Variants in CFAP20 observed in about 807,000 individuals in gnomAD.
CFAP20 encodes cilia and flagella associated protein 20.
In CFAP20, 14 loss-of-function variants were observed where a neutral mutation model predicts 25.5. The observed-to-expected ratio is 0.55, with a 90% CI of 0.36 to 0.86. The LOEUF is 0.86. Among genes scored for constraint, CFAP20 ranks in the 40% least tolerant of loss-of-function variants. The pLI, the probability that CFAP20 is intolerant of heterozygous loss-of-function variation, is 0.01. For missense variants in CFAP20, 181 were observed against 248.0 expected, an observed-to-expected ratio of 0.73 and a Z score of 1.81; for synonymous variants, 75 against 91.1, an observed-to-expected ratio of 0.82 and a Z score of 1.01.
intron 1 of CFAP20, among the ~76,000 whole-genome samples, chr16:58,117,437 TC>T (rs1960472250): frequency 6.6e-6 from 1 of 152,212 alleles, no homozygotes; most frequent in African/African-American, 2.4e-5. Flanking sequence ...CTTTCTTTTT[TC>T]TTTTTTCTGA....
At chr16:58,124,412 C>T (rs926057203) in intron 1 of CFAP20, among the ~76,000 whole-genome samples, 3 of 152,162 alleles carry the variant, frequency 2.0e-5, no homozygotes, top group African/African-American at 4.8e-5. Context: ...GATGGGATTA[C>T]GTTCTGAGAA....
chr16:58,126,354 G>T (rs181001343), intron 1 of CFAP20, among the ~76,000 whole-genome samples: 3 of 152,232 alleles, frequency 2.0e-5, no homozygotes, highest in Middle Eastern at 3.4e-3. Flanking sequence ...ATAAATTGCC[G>T]GTGTGACAAA....
intron 4 of CFAP20, 145 bp from the exon 5 acceptor site, chr16:58,115,065 G>A: frequency 1.0e-6 from 1 of 972,792 alleles, no homozygotes; most frequent in Non-Finnish European, 1.6e-6. Context: ...TCTGGCAAGA[G>A]GGAGGTCTTA....
chr16:58,120,266 A>G (rs533403512), intron 1 of CFAP20, among the ~76,000 whole-genome samples: 10 of 152,264 alleles, frequency 6.6e-5, no homozygotes, highest in Non-Finnish European at 1.5e-4. Flanking sequence ...GCAAAGAGCA[A>G]ATAGACAGTT....
chr16:58,115,255 G>A lies in CFAP20; in HGVS notation c.465+14C>T, dbSNP rs770529103. On this transcript the variant is annotated intron_variant, in intron 4 of 5. Coordinates refer to ENST00000262498, the MANE Select transcript of CFAP20 (RefSeq NM_013242.3). Reference sequence around the variant, plus strand: ...ATCCCCAACCCAGGGCTCTATCTGGGAAAGGAGCAGTACCTGCACTCTGAG... The same window carrying A: ...ATCCCCAACCCAGGGCTCTATCTGGAAAAGGAGCAGTACCTGCACTCTGAG... 6.7e-5 allele frequency: 108 copies of A among 1,614,072 alleles called. No individual in the cohort carries two copies. The South Asian group carries it at 1.1e-3, about 17-fold the overall frequency.
At chr16:58,116,185 C>G in intron 2 of CFAP20, 33 bp from the exon 3 acceptor site, 1 of 1,451,046 alleles carries the variant, frequency 6.9e-7, no homozygotes, top group East Asian at 2.3e-5. Flanking sequence ...TAAACACACT[C>G]CTGGACTCTC....
intron 1 of CFAP20, among the ~76,000 whole-genome samples, chr16:58,128,633 A>G (rs1417427547): frequency 6.6e-6 from 1 of 152,284 alleles, no homozygotes; most frequent in East Asian, 1.9e-4. Flanking sequence ...TCATCTTTAC[A>G]TCCCCAAAGC....
chr16:58,123,268 T>C (rs1463868139), intron 1 of CFAP20, among the ~76,000 whole-genome samples: 2 of 144,846 alleles, frequency 1.4e-5, no homozygotes, highest in African/African-American at 2.5e-5. Context: ...ATTACAGGCG[T>C]GAGCCACTGC....
chr16:58,114,721 T>C, intron 5 of CFAP20, 89 bp downstream of exon 5: 2 of 1,038,318 alleles, frequency 1.9e-6, no homozygotes, highest in Non-Finnish European at 3.0e-6. Flanking sequence ...AGAGAGGCTC[T>C]GCAGCTGAAT....
intron 1 of CFAP20, among the ~76,000 whole-genome samples, chr16:58,117,917 T>A (rs1353854830): frequency 6.6e-6 from 1 of 152,242 alleles, no homozygotes; most frequent in Non-Finnish European, 1.5e-5. Flanking sequence ...CACACACAGA[T>A]GCCTTCTTTA....
chr16:58,116,978 CTGAAATAT>C (rs1960466170), intron 1 of CFAP20, 27 bp from the exon 2 acceptor site: 1 of 1,596,734 alleles, frequency 6.3e-7, no homozygotes. Flanking sequence ...TCGATTAGTA[CTGAAATAT>C]CTGACAAGGC....
At chr16:58,116,546 C>A in intron 2 of CFAP20, 2 of 392,166 alleles carry the variant, frequency 5.1e-6, no homozygotes, top group South Asian at 9.8e-5. Flanking sequence ...GCCCACTCCC[C>A]ACCCCAACAC....
intron 2 of CFAP20, 40 bp from the exon 3 acceptor site, chr16:58,116,192 T>C (rs1303605099): frequency 7.0e-7 from 1 of 1,424,794 alleles, no homozygotes; most frequent in Non-Finnish European, 9.9e-7. Context: ...ACTCCTGGAC[T>C]CTCTTCCTTT....
Position 58,113,951 on chromosome 16 carries a change from A to T in CFAP20, c.*74T>A. 6.6e-7 allele frequency: 1 copy of T among 1,506,656 alleles called. No homozygotes were observed. 93.3% of individuals were successfully genotyped at this position (1,506,656 alleles called of 1,614,324 possible). On this transcript the variant is annotated 3_prime_UTR_variant, in exon 6 of 6. Transcript: ENST00000262498. ...CAAACTAAGATAAATATGTTTTTGC[A>T]TCGTCCTCCACATAGTTTCCTTTTA...
intron 5 of CFAP20, 46 bp downstream of exon 5, chr16:58,114,764 T>TCC (rs753814566): frequency 2.0e-6 from 3 of 1,472,224 alleles, no homozygotes; most frequent in Non-Finnish European, 2.9e-6. Context: ...GGAACACAGC[T>TCC]CCCCCCACTC....
chr16:58,117,562 G>A (rs560272062), intron 1 of CFAP20, among the ~76,000 whole-genome samples: 1 of 152,072 alleles, frequency 6.6e-6, no homozygotes, highest in Admixed American at 6.5e-5. Context: ...CTGAGTAGCT[G>A]GGATTATAAG....
In CFAP20 at chr16:58,115,262, GC is replaced by G; in HGVS notation, c.465+6del. 1 of 1,614,160 alleles carries G rather than the reference GC, an allele frequency of 6.2e-7. No individual in the cohort carries two copies. The highest frequency in any genetic ancestry group is 8.5e-7 in the Non-Finnish European group (1 of 1,180,030). On this transcript the variant is annotated splice_donor_region_variant and intron_variant, in intron 4 of 5. Transcript: ENST00000262498. Reference sequence around the variant, plus strand: ...ACCCAGGGCTCTATCTGGGAAAGGAGCAGTACCTGCACTCTGAGGGTCTCGA... The same window carrying G: ...ACCCAGGGCTCTATCTGGGAAAGGAGAGTACCTGCACTCTGAGGGTCTCGA...
intron 1 of CFAP20, among the ~76,000 whole-genome samples, chr16:58,123,546 A>G (rs1960566111): frequency 7.4e-6 from 1 of 134,784 alleles, no homozygotes; most frequent in African/African-American, 2.7e-5. Context: ...CAGTGAGCCG[A>G]GATCGTGCCA....
chr16:58,124,068 A>C (rs1318761111), intron 1 of CFAP20, among the ~76,000 whole-genome samples: 1 of 152,174 alleles, frequency 6.6e-6, no homozygotes, highest in African/African-American at 2.4e-5. Flanking sequence ...AGAGAACAGG[A>C]CTTCCTTCAA....
Sources: gnomAD v4.1 joint callset for allele counts (sites outside exome capture counted in the v4.1 genomes callset) on GRCh38, gnomAD v4.1.1 for gene constraint, MANE v1.5 for transcripts, NCBI Gene and HGNC (gene_info 2026-07-23, HGNC 2026-07-21) for gene names.